Variants in NLRP7 observed in about 807,000 individuals in gnomAD.
The protein encoded by NLRP7 is NACHT, LRR and PYD domains-containing protein 7.
A neutral mutation model predicts 85.5 loss-of-function variants in NLRP7; 72 were observed. The observed-to-expected ratio is 0.84, with a 90% CI of 0.70 to 1.02. The LOEUF is 1.02. Ranked by LOEUF, NLRP7 falls within the 50% of genes least tolerant of loss-of-function variation. The pLI, the probability that NLRP7 is intolerant of heterozygous loss-of-function variation, is 0.00. For synonymous variants in NLRP7, 550 were observed against 505.2 expected (o/e 1.09, Z -1.19); for missense variants, 1,243 against 1,219.5 (o/e 1.02, Z -0.29).
chr19:54,940,095 G>C, exon 4 of NLRP7: 2 of 1,614,186 alleles, frequency 1.2e-6, no homozygotes, highest in Non-Finnish European at 8.5e-7. Flanking sequence ...GCTTGGGCTA[G>C]GATGCTTGGA....
intron 9 of NLRP7, among the ~76,000 whole-genome samples, chr19:54,930,023 G>C (rs1005252184): frequency 6.7e-6 from 1 of 150,222 alleles, no homozygotes; most frequent in African/African-American, 2.5e-5. Flanking sequence ...GCTGAGGCAG[G>C]AGAATAGCGA....
chr19:54,929,254 A>G (rs1377302385), intron 9 of NLRP7, among the ~76,000 whole-genome samples: 5 of 152,114 alleles, frequency 3.3e-5, no homozygotes, highest in Admixed American at 3.3e-4. Context: ...CTGTAATCCC[A>G]ACTACTCAGC....
At chr19:54,964,829 T>G (rs1305895261) in intron 1 of NLRP7, among the ~76,000 whole-genome samples, 1 of 84,602 alleles carries the variant, frequency 1.2e-5, no homozygotes, top group South Asian at 3.2e-4. Flanking sequence ...CCATTAAAAA[T>G]AAAATAATAA....
rs269951 is a variant in NLRP7 at position 54,930,627 on chromosome 19, A to G, written c.2682T>C (p.Tyr894=). 902,860 of 1,610,306 alleles carry G rather than the reference A, an allele frequency of 0.56. 255,126 individuals are homozygous for G. Among genetic ancestry groups the G allele is most frequent in the East Asian group, 0.72 (32,198 of 44,804 alleles). The change falls in exon 9 of 10, where the codon TAT becomes TAC. Residue 894 remains tyrosine (Y), a synonymous_variant. Coordinates refer to ENST00000340844, the Ensembl canonical transcript of NLRP7. The stretch of plus-strand genomic sequence containing the variant: ...AGGCTTCTTGGAGCGCCTCTGAGAG[A>G]TATCTACAGCCAAGCTTGGTTATGC...
At chr19:54,940,713 G>A (rs372582509) in intron 3 of NLRP7, among the ~76,000 whole-genome samples, 130 of 151,630 alleles carry the variant, frequency 8.6e-4, no homozygotes, top group African/African-American at 2.9e-3. Context: ...CTGTAATCCC[G>A]GCTACTCAGG....
In NLRP7 at chr19:54,938,006, C is replaced by G. The variant is rs75675646; in HGVS notation, c.2129+38G>C. On this transcript the variant is annotated intron_variant, in intron 5 of 9. Transcript: ENST00000340844. ...ACAAAAGTACAAGAAGCTTAGTCAT[C>G]GTTCAGGGTCTTCCTTGCAAGATGA... 7.1e-3 allele frequency: 10,645 copies of G among 1,505,080 alleles called. 467 individuals are homozygous for G. In the African/African-American group the frequency reaches 0.11, roughly 16 times the overall value. The allele number at this position is 1,505,080 out of a possible 1,614,324, so 93.2% of individuals were successfully genotyped here. A position where few individuals can be genotyped will look rare whatever the true frequency, so the allele number is the denominator to read the frequency against.
intron 8 of NLRP7, among the ~76,000 whole-genome samples, chr19:54,932,318 C>T (rs985442719): frequency 6.6e-6 from 1 of 151,754 alleles, no homozygotes; most frequent in African/African-American, 2.4e-5. Flanking sequence ...ATCCCAGCTA[C>T]TTGGGAGGCT....
chr19:54,950,490 T>TAGGATAATA (rs1409046626), upstream of NLRP7, among the ~76,000 whole-genome samples: 1 of 152,142 alleles, frequency 6.6e-6, no homozygotes, highest in East Asian at 1.9e-4. Context: ...GAGAGGGGGA[T>TAGGATAATA]GTGGCAGGGT....
intron 9 of NLRP7, among the ~76,000 whole-genome samples, chr19:54,926,062 C>A (rs1602105187): frequency 6.7e-6 from 1 of 149,498 alleles, no homozygotes; most frequent in Admixed American, 6.7e-5. Flanking sequence ...GACTCCGTCT[C>A]AAAAAAAAAT....
chr19:54,953,641 T>C (rs1042288551), intron 1 of NLRP7, among the ~76,000 whole-genome samples: 1 of 151,586 alleles, frequency 6.6e-6, no homozygotes, highest in Non-Finnish European at 1.5e-5. Context: ...GTTTTTACTT[T>C]TTCTTTCTTT....
chr19:54,939,862 T>G (rs765171825), exon 4 of NLRP7: 2 of 1,613,606 alleles, frequency 1.2e-6, no homozygotes, highest in African/African-American at 2.7e-5. Flanking sequence ...CCTCCACCCT[T>G]ACGTAGATCG....
Position 54,933,294 on chromosome 19 carries a change from C to T in NLRP7, c.2642+275G>A, listed in dbSNP as rs546911527. ...CCAAGTAGCTGGGACTACAGGCATC[C>T]GCCACCACACCTGGCTAATTTTTGG... On this transcript the variant is annotated intron_variant, in intron 8 of 9. Transcript: ENST00000340844. 5.9e-5 allele frequency among the ~76,000 whole-genome samples: 9 copies of T among 152,114 alleles called. No homozygotes were observed. In the South Asian group the frequency reaches 1.2e-3, roughly 21 times the overall value.
At chr19:54,961,178 GC>G (rs1297405515) in intron 1 of NLRP7, among the ~76,000 whole-genome samples, 2 of 151,828 alleles carry the variant, frequency 1.3e-5, no homozygotes, top group Non-Finnish European at 2.9e-5. Flanking sequence ...TTCAAGACCG[GC>G]CCGGTGTACA....
chr19:54,939,276 G>C (rs1569540477), exon 4 of NLRP7: 1 of 1,614,098 alleles, frequency 6.2e-7, no homozygotes, highest in Non-Finnish European at 8.5e-7. Flanking sequence ...ACTTGAATCA[G>C]GTCGGGGTTC....
At chr19:54,942,255 CAAAAAAAAA>C (rs576434793) in intron 1 of NLRP7, among the ~76,000 whole-genome samples, 4 of 59,446 alleles carry the variant, frequency 6.7e-5, no homozygotes, top group African/African-American at 1.1e-4. Context: ...GACTCCGTCT[CAAAAAAAAA>C]AAAAAAAAAA....
chr19:54,953,169 G>A (rs1250621730), intron 1 of NLRP7: 1 of 152,132 alleles, frequency 6.6e-6, no homozygotes, highest in African/African-American at 2.4e-5. Context: ...AACACAGGTA[G>A]CAATGTAGCA....
intron 1 of NLRP7, among the ~76,000 whole-genome samples, chr19:54,961,541 A>T (rs534712709): frequency 9.2e-5 from 14 of 151,456 alleles, no homozygotes; most frequent in African/African-American, 2.2e-4. Context: ...CAAATTTTTT[A>T]AAAAAGGTAC....
chr19:54,931,934 C>T (rs1023949154), intron 8 of NLRP7, among the ~76,000 whole-genome samples: 4 of 151,888 alleles, frequency 2.6e-5, no homozygotes, highest in African/African-American at 9.7e-5. Context: ...GGGTTCAGAC[C>T]GACCCAGGAC....
At chr19:54,947,378 G>T in intron 1 of NLRP7, 91 bp downstream of exon 1, 1 of 976,768 alleles carries the variant, frequency 1.0e-6, no homozygotes, top group Non-Finnish European at 1.4e-6. Context: ...AACCATTAAG[G>T]CTTGGGAAGG....
Sources: allele counts gnomAD v4.1 joint callset (sites outside exome capture counted in the v4.1 genomes callset), GRCh38; gene constraint gnomAD v4.1.1; transcripts MANE v1.5; gene names NCBI Gene and HGNC (gene_info 2026-07-23, HGNC 2026-07-21).